TULP4: variants seen among roughly 807,000 people sequenced by gnomAD.
TULP4 encodes tubby-related protein 4.
In TULP4, 16 loss-of-function variants were observed where a neutral mutation model predicts 129.0. The ratio of observed to expected loss-of-function variants is 0.12; its 90% CI spans 0.08 to 0.19. The LOEUF (loss-of-function observed/expected upper bound fraction) is 0.19, where lower values mean the gene tolerates loss of function less well. Ranked by LOEUF, TULP4 falls within the 10% of genes least tolerant of loss-of-function variation. The pLI is 1.00. For synonymous variants in TULP4, 998 were observed against 854.0 expected (o/e 1.17, Z -2.94); for missense variants, 1,842 against 2,059.1 (o/e 0.89, Z 2.04).
At chr6:158,395,058 AAT>A (rs1433391683) in intron 1 of TULP4, among the ~76,000 whole-genome samples, 1 of 152,102 alleles carries the variant, frequency 6.6e-6, no homozygotes, top group African/African-American at 2.4e-5. Context: ...GCAAGAGGGA[AAT>A]CCGCCCCCAT....
chr6:158,492,576 C>T (rs1403344390), intron 9 of TULP4, among the ~76,000 whole-genome samples: 2 of 152,158 alleles, frequency 1.3e-5, no homozygotes, highest in South Asian at 2.1e-4. Context: ...CACCTTTAAA[C>T]GTCCTCTTCA....
At chr6:158,431,523 G>A (rs182876533) in intron 3 of TULP4, among the ~76,000 whole-genome samples, 4 of 152,270 alleles carry the variant, frequency 2.6e-5, no homozygotes, top group African/African-American at 4.8e-5. Flanking sequence ...TGAGAGAGAC[G>A]CAGCTCTTGC....
At chr6:158,472,002 C>T (rs894658755) in intron 6 of TULP4, among the ~76,000 whole-genome samples, 5 of 152,202 alleles carry the variant, frequency 3.3e-5, no homozygotes, top group African/African-American at 1.2e-4. Context: ...GGCCCCCTTC[C>T]TGCTGGCATT....
intron 2 of TULP4, among the ~76,000 whole-genome samples, chr6:158,426,814 A>G (rs1583863623): frequency 6.6e-6 from 1 of 152,172 alleles, no homozygotes. Flanking sequence ...TTTGGGTAGT[A>G]TGGCCCTTTT....
At position 158,501,914 on chromosome 6, in the gene TULP4, T is replaced by C; in HGVS notation, c.2251T>C (p.Ser751Pro). ...CCAGTACCCAGTCTCCAACCGGTAC[T>C]CCAATCCTGGACAGGTGATTTTCGG... ...ATQYPVSNRYSNPGQVIFGSV... is the reference protein window; with the variant it reads ...ATQYPVSNRYPNPGQVIFGSV... The change falls in exon 13 of 14, where the codon TCC becomes CCC. Residue 751 changes from serine to proline, a missense_variant. Around this residue, in one of 5 missense-constraint regions of TULP4, gnomAD observed 1,089 missense variants for 987.1 expected, o/e 1.10. Coordinates refer to ENST00000367097, the MANE Select transcript of TULP4 (RefSeq NM_020245.5). 6.2e-7 allele frequency: 1 copy of C among 1,614,042 alleles called. No homozygotes were observed. Among genetic ancestry groups the C allele is most frequent in the Admixed American group, 1.7e-5 (1 of 60,016 alleles).
intron 1 of TULP4, among the ~76,000 whole-genome samples, chr6:158,334,001 A>G (rs951835416): frequency 2.0e-5 from 3 of 152,232 alleles, no homozygotes; most frequent in Admixed American, 1.3e-4. Flanking sequence ...TGCTATTGCA[A>G]TGAGCTCCAG....
intron 1 of TULP4, among the ~76,000 whole-genome samples, chr6:158,343,224 A>G (rs1780224084): frequency 6.6e-6 from 1 of 152,138 alleles, no homozygotes. Context: ...AGTTCCTGTC[A>G]AAGGGCTGAG....
At chr6:158,457,564 T>G (rs1466116564) in intron 5 of TULP4, among the ~76,000 whole-genome samples, 1 of 152,192 alleles carries the variant, frequency 6.6e-6, no homozygotes, top group East Asian at 1.9e-4. Flanking sequence ...TTGTTATGAC[T>G]TCTACTCTTT....
intron 1 of TULP4, among the ~76,000 whole-genome samples, chr6:158,348,173 G>GTTTGTTTTTTTTTTTTTTT (rs1780359871): frequency 8.9e-6 from 1 of 112,170 alleles, no homozygotes; most frequent in Non-Finnish European, 1.7e-5. Flanking sequence ...TTTTTTTAAG[G>GTTTGTTTTTTTTTTTTTTT]TTTTTTTTTT....
At chr6:158,504,378 G>A (rs527704250) in intron 13 of TULP4, among the ~76,000 whole-genome samples, 200 bp downstream of exon 13, 7 of 151,000 alleles carry the variant, frequency 4.6e-5, no homozygotes, top group Middle Eastern at 3.2e-3. Flanking sequence ...AGACCGTCTC[G>A]CTCTGTGGCC....
intron 1 of TULP4, among the ~76,000 whole-genome samples, chr6:158,315,395 A>G (rs1482279669): frequency 1.3e-5 from 2 of 152,064 alleles, no homozygotes; most frequent in African/African-American, 2.4e-5. Context: ...CACCTCCTAT[A>G]AAGACCCTAC....
chr6:158,240,913 G>GT, intron 1 of TULP4, among the ~76,000 whole-genome samples: 1 of 150,138 alleles, frequency 6.7e-6, no homozygotes, highest in East Asian at 2.1e-4. Context: ...TCCCAGATCG[G>GT]GTGGCTGCCG....
At chr6:158,312,226 G>C, upstream of TULP4, 1 of 397,914 alleles carries the variant, frequency 2.5e-6, no homozygotes, top group Non-Finnish European at 4.4e-6. Context: ...GCACACTTGA[G>C]AGTTTTACAA....
At chr6:158,387,542 T>C (rs1777477162) in intron 1 of TULP4, among the ~76,000 whole-genome samples, 1 of 152,240 alleles carries the variant, frequency 6.6e-6, no homozygotes, top group Non-Finnish European at 1.5e-5. Context: ...TTTTTTCTTA[T>C]GCTGACTTCA....
chr6:158,468,854 C>T (rs995501145), intron 6 of TULP4, among the ~76,000 whole-genome samples: 1 of 152,180 alleles, frequency 6.6e-6, no homozygotes, highest in Non-Finnish European at 1.5e-5. Flanking sequence ...TGAGTAAAAG[C>T]AGGGAGGCGC....
intron 1 of TULP4, among the ~76,000 whole-genome samples, chr6:158,247,723 A>G (rs981171243): frequency 6.6e-6 from 1 of 152,222 alleles, no homozygotes; most frequent in East Asian, 1.9e-4. Flanking sequence ...ATCTTTGGCT[A>G]TTAAGAGTGT....
chr6:158,505,036 C>T (rs1481450697), intron 13 of TULP4, among the ~76,000 whole-genome samples: 2 of 152,088 alleles, frequency 1.3e-5, no homozygotes, highest in East Asian at 3.9e-4. Context: ...GTATACTTTT[C>T]TTCCCCTAGA....
chr6:158,419,375 A>AT lies in TULP4; in HGVS notation c.381+6184dup, dbSNP rs1458584751. Among the ~76,000 whole-genome samples the AT allele has an allele frequency of 2.0e-5, 3 of 152,250 alleles. No individual in the cohort carries two copies. The South Asian group carries it at 6.2e-4, about 31-fold the overall frequency. On this transcript the variant is annotated intron_variant, in intron 2 of 13. Transcript: ENST00000367097. ...CTAAATGTTTGTAGCTATAAGCAAC[A>AT]TTGAAGATTATAGATAGCATTTGTT...
Position 158,452,147 on chromosome 6 carries a change from A to G in TULP4, c.738A>G (p.Ala246=), listed in dbSNP as rs746965792. 6.2e-7 allele frequency: 1 copy of G among 1,614,114 alleles called. No homozygotes were observed. Among genetic ancestry groups the G allele is most frequent in the South Asian group, 1.1e-5 (1 of 91,066 alleles). Residue 246 remains alanine (A), a synonymous_variant, in exon 5 of 14, where the codon GCA becomes GCG. Transcript: ENST00000367097. ...DYAPPQDGPA[A]YPIPVQNIKP... ...GTGTTCCTGCAGATGGTCCGGCAGC[A>G]TATCCCATCCCAGTGCAGAACATCA...
Sources: gnomAD v4.1 joint callset for allele counts (sites outside exome capture counted in the v4.1 genomes callset) on GRCh38, gnomAD v4.1.1 for gene constraint, gnomAD v4.1.1 regional missense constraint, MANE v1.5 for transcripts, NCBI Gene and HGNC (gene_info 2026-07-23, HGNC 2026-07-21) for gene names.